TNNI3K: variants seen among roughly 807,000 people sequenced by gnomAD.
TNNI3K encodes serine/threonine-protein kinase TNNI3K.
TNNI3K carries 140 observed loss-of-function variants against 114.5 expected under a neutral mutation model. That is an observed-to-expected ratio of 1.22 (90% confidence interval 1.07 to 1.41). The LOEUF is 1.41. Among genes scored for constraint, TNNI3K ranks in the 40% most tolerant of loss-of-function variants. The pLI, the probability that TNNI3K is intolerant of heterozygous loss-of-function variation, is 0.00. For missense variants in TNNI3K, 1,125 were observed against 1,007.6 expected (o/e 1.12, Z -1.58); for synonymous variants, 347 against 347.5 (o/e 1.00, Z 0.02).
At chr1:74,345,365 A>T (rs1019407362) in intron 9 of TNNI3K, among the ~76,000 whole-genome samples, 8 of 152,178 alleles carry the variant, frequency 5.3e-5, no homozygotes, top group African/African-American at 1.9e-4. Flanking sequence ...AAGGTATCAA[A>T]GTAAACAGAG....
intron 5 of TNNI3K, among the ~76,000 whole-genome samples, chr1:74,329,182 C>T (rs1660069771): frequency 6.6e-6 from 1 of 152,020 alleles, no homozygotes; most frequent in Non-Finnish European, 1.5e-5. Flanking sequence ...TTTTGAATTT[C>T]ACTTCTGCTC....
intron 23 of TNNI3K, among the ~76,000 whole-genome samples, chr1:74,537,720 C>CT (rs1446701622): frequency 6.6e-6 from 1 of 152,072 alleles, no homozygotes; most frequent in Non-Finnish European, 1.5e-5. Flanking sequence ...TAATTCTACC[C>CT]TAAGGCAGAT....
chr1:74,273,205 A>G (rs1477573743), intron 5 of TNNI3K, among the ~76,000 whole-genome samples: 1 of 151,930 alleles, frequency 6.6e-6, no homozygotes, highest in Admixed American at 6.6e-5. Context: ...TGAGAGCAAA[A>G]TAGTTTCCTT....
chr1:74,437,468 G>A (rs906886597), intron 19 of TNNI3K, among the ~76,000 whole-genome samples: 6 of 152,026 alleles, frequency 3.9e-5, no homozygotes, highest in Non-Finnish European at 7.4e-5. Context: ...TGAATGGAGA[G>A]TGATGAGGTT....
intron 21 of TNNI3K, chr1:74,475,367 G>T: frequency 1.4e-6 from 1 of 716,366 alleles, no homozygotes; most frequent in South Asian, 1.5e-5. Flanking sequence ...CATAGCTTTT[G>T]AACTTTCCTT....
intron 5 of TNNI3K, among the ~76,000 whole-genome samples, chr1:74,313,931 A>G (rs1184742556): frequency 6.6e-6 from 1 of 151,628 alleles, no homozygotes; most frequent in Non-Finnish European, 1.5e-5. Context: ...CTGTTGTTTC[A>G]GAGTCTAAAT....
At chr1:74,265,318 G>T (rs1655903980) in intron 4 of TNNI3K, among the ~76,000 whole-genome samples, 1 of 151,990 alleles carries the variant, frequency 6.6e-6, no homozygotes, top group South Asian at 2.1e-4. Context: ...ATCTCCGCCA[G>T]CCCATTGAGG....
Position 74,427,197 on chromosome 1 carries a change from G to T in TNNI3K, c.1773-8883G>T, listed in dbSNP as rs149664769. ...ATTTCAGGGCTTTATGTACAGAGTA[G>T]GGATTGCATAGAGACTTTATAATTT... On this transcript the variant is annotated intron_variant, in intron 17 of 24. Transcript: ENST00000326637. Among the ~76,000 whole-genome samples the T allele has an allele frequency of 8.6e-3, 1,061 of 122,660 alleles. 9 individuals are homozygous for T. The highest frequency in any genetic ancestry group is 0.025 in the African/African-American group (1,023 of 40,598). The allele number at this position is 122,660 out of a possible 152,430, so 80.5% of individuals were successfully genotyped here. A position where few individuals can be genotyped will look rare whatever the true frequency, so the allele number is the denominator to read the frequency against.
chr1:74,496,587 T>G (rs1669337255), intron 23 of TNNI3K, among the ~76,000 whole-genome samples: 1 of 152,148 alleles, frequency 6.6e-6, no homozygotes, highest in Non-Finnish European at 1.5e-5. Context: ...ATGGGGTTTT[T>G]GGTTGTTTGT....
chr1:74,401,965 T>A, intron 17 of TNNI3K: 1 of 385,736 alleles, frequency 2.6e-6, no homozygotes, highest in Non-Finnish European at 5.1e-6. Context: ...AAGGTATTGA[T>A]GGAAATGATA....
chr1:74,423,273 G>T (rs961563964), intron 17 of TNNI3K, among the ~76,000 whole-genome samples: 21 of 150,234 alleles, frequency 1.4e-4, no homozygotes, highest in Non-Finnish European at 1.3e-4. Context: ...ATTTTTTTGT[G>T]CCCTTTGTTG....
At chr1:74,511,861 G>A (rs1343230728) in intron 23 of TNNI3K, among the ~76,000 whole-genome samples, 1 of 152,126 alleles carries the variant, frequency 6.6e-6, no homozygotes, top group Non-Finnish European at 1.5e-5. Context: ...GACAAAGGCA[G>A]GAAAGTGGGA....
chr1:74,349,281 C>T (rs1415234669), intron 9 of TNNI3K, among the ~76,000 whole-genome samples: 1 of 152,090 alleles, frequency 6.6e-6, no homozygotes, highest in Non-Finnish European at 1.5e-5. Flanking sequence ...TGCTGGATTA[C>T]ATTTATTGAT....
chr1:74,495,960 A>G (rs1384304648), intron 23 of TNNI3K, among the ~76,000 whole-genome samples: 2 of 152,186 alleles, frequency 1.3e-5, no homozygotes, highest in East Asian at 3.9e-4. Flanking sequence ...GGATATAAAA[A>G]TTGATGGACT....
Position 74,331,440 on chromosome 1 carries a change from T to C in TNNI3K, c.445-10T>C, listed in dbSNP as rs200706407. 276 of 1,611,614 alleles carry C rather than the reference T, an allele frequency of 1.7e-4. 4 individuals are homozygous for C. The South Asian group carries it at 3.0e-3, about 18-fold the overall frequency. ...CTGAAGTTCTTAACCATAATCATTT[T>C]CTTGTCCAGGCTGCTGATGTGCTGT... On this transcript the variant is annotated splice_polypyrimidine_tract_variant and intron_variant, in intron 5 of 24. Coordinates refer to ENST00000326637, the MANE Select transcript of TNNI3K (RefSeq NM_015978.3).
rs186063036 is a variant in TNNI3K, at chr1:74,445,899, C to T, written c.2011+6277C>T. On this transcript the variant is annotated intron_variant, in intron 20 of 24. Transcript: ENST00000326637. ...TGCTGGGACTACAGGCGTGAGCCACCGTGCCCGGCCGTTCCACATTTTCTT... is the reference window on the plus strand; with the variant it reads ...TGCTGGGACTACAGGCGTGAGCCACTGTGCCCGGCCGTTCCACATTTTCTT... Among the ~76,000 whole-genome samples the T allele has an allele frequency of 2.0e-4, 30 of 152,270 alleles. No individual in the cohort carries two copies. In the East Asian group the frequency reaches 5.8e-3, roughly 29 times the overall value.
intron 11 of TNNI3K, among the ~76,000 whole-genome samples, chr1:74,364,011 T>TATTA (rs60225699): frequency 2.1e-5 from 3 of 145,734 alleles, no homozygotes; most frequent in Non-Finnish European, 4.5e-5. Context: ...TTATTATTAT[T>TATTA]TTAGAGACAG....
At chr1:74,508,912 AT>A (rs1670043875) in intron 23 of TNNI3K, among the ~76,000 whole-genome samples, 1 of 152,166 alleles carries the variant, frequency 6.6e-6, no homozygotes, top group African/African-American at 2.4e-5. Flanking sequence ...TCTGCAGAAA[AT>A]TCATATAAAA....
chr1:74,335,492 G>C (rs1487970365), intron 6 of TNNI3K, among the ~76,000 whole-genome samples: 2 of 152,016 alleles, frequency 1.3e-5, no homozygotes, highest in African/African-American at 4.8e-5. Flanking sequence ...TCTCCTAGAG[G>C]TTGTGCTTAG....
Sources: gnomAD v4.1 joint callset for allele counts (sites outside exome capture counted in the v4.1 genomes callset) on GRCh38, gnomAD v4.1.1 for gene constraint, MANE v1.5 for transcripts, NCBI Gene and HGNC (gene_info 2026-07-23, HGNC 2026-07-21) for gene names.